CHN1: variants seen among roughly 807,000 people sequenced by gnomAD.
CHN1 encodes the protein chimerin 1.
Under a neutral mutation model 59.5 loss-of-function variants are expected in CHN1, and 37 were observed. The ratio of observed to expected loss-of-function variants is 0.62; its 90% CI spans 0.48 to 0.82. The LOEUF is 0.82. Among genes scored for constraint, CHN1 ranks in the 40% least tolerant of loss-of-function variants. CHN1 has a pLI of 0.00. For missense variants in CHN1, 469 were observed against 571.0 expected (o/e 0.82, Z 1.82); for synonymous variants, 206 against 200.4 (o/e 1.03, Z -0.24).
chr2:174,955,119 A>ATAGATCTAATATAGATCTATATATCTC (rs1690150860), intron 1 of CHN1, among the ~76,000 whole-genome samples: 1 of 148,724 alleles, frequency 6.7e-6, no homozygotes, highest in East Asian at 1.9e-4. Flanking sequence ...CTATAGATCT[A>ATAGATCTAATATAGATCTATATATCTC]TAGATCTAAT....
chr2:174,990,079 T>C (rs1392361146), intron 1 of CHN1, among the ~76,000 whole-genome samples: 1 of 152,146 alleles, frequency 6.6e-6, no homozygotes, highest in South Asian at 2.1e-4. Flanking sequence ...AAGTTTTGAT[T>C]AGAAGAGTGA....
intron 1 of CHN1, among the ~76,000 whole-genome samples, chr2:174,999,561 A>C (rs1691818080): frequency 6.6e-6 from 1 of 152,214 alleles, no homozygotes; most frequent in South Asian, 2.1e-4. Context: ...CTATTATTAT[A>C]ACATATAAAG....
At chr2:174,863,910 T>C (rs1195634911) in intron 6 of CHN1, among the ~76,000 whole-genome samples, 3 of 152,202 alleles carry the variant, frequency 2.0e-5, no homozygotes, top group African/African-American at 7.2e-5. Flanking sequence ...TATTTATCAC[T>C]GCATGTTTCA....
At chr2:174,855,423 T>A (rs1390528258) in intron 6 of CHN1, among the ~76,000 whole-genome samples, 1 of 152,198 alleles carries the variant, frequency 6.6e-6, no homozygotes, top group Non-Finnish European at 1.5e-5. Context: ...TTCTATAAAA[T>A]GTTAAAATTG....
At chr2:174,852,302 C>T (rs1470460018) in intron 6 of CHN1, among the ~76,000 whole-genome samples, 4 of 151,634 alleles carry the variant, frequency 2.6e-5, no homozygotes, top group Non-Finnish European at 5.9e-5. Context: ...CAAACAAAAC[C>T]GGTAACGAAA....
At chr2:174,947,119 GA>G (rs1164566693) in intron 2 of CHN1, among the ~76,000 whole-genome samples, 2 of 152,122 alleles carry the variant, frequency 1.3e-5, no homozygotes, top group East Asian at 3.9e-4. Context: ...AGTTAATACA[GA>G]AAGTAAAATG....
intron 7 of CHN1, among the ~76,000 whole-genome samples, chr2:174,843,700 A>G (rs1686394466): frequency 7.4e-6 from 1 of 135,664 alleles, no homozygotes; most frequent in Admixed American, 7.2e-5. Context: ...ATAGATTCAG[A>G]AAAAAAAAAA....
chr2:174,855,820 T>C lies in CHN1; in HGVS notation c.550-8863A>G, dbSNP rs140437856. Among the ~76,000 whole-genome samples, 401 of 152,180 alleles carry C rather than the reference T, an allele frequency of 2.6e-3. 1 individual carries two copies. The highest frequency in any genetic ancestry group is 9.2e-3 in the African/African-American group (381 of 41,546). On this transcript the variant is annotated intron_variant, in intron 6 of 12. Coordinates refer to ENST00000409900, the MANE Select transcript of CHN1 (RefSeq NM_001822.7). Reference sequence around the variant, plus strand: ...ACTTTAAAGACTTAAAGAAACACTATTATAGATGAAGAAACAAAAGCTCTG... The same window carrying C: ...ACTTTAAAGACTTAAAGAAACACTACTATAGATGAAGAAACAAAAGCTCTG...
At chr2:174,847,738 CCT>C in intron 6 of CHN1, 2 of 771,362 alleles carry the variant, frequency 2.6e-6, no homozygotes, top group South Asian at 1.4e-5. Flanking sequence ...GTTTCTCCCT[CCT>C]CTCATGTAAG....
Position 174,799,699 on chromosome 2 carries a change from T to G in CHN1, c.*417A>C, listed in dbSNP as rs1223078385. The G allele has an allele frequency of 3.9e-5, 21 of 534,438 alleles. No individual in the cohort carries two copies. Among genetic ancestry groups the G allele is most frequent in the Non-Finnish European group, 7.2e-5 (20 of 276,616 alleles). 33.1% of individuals were successfully genotyped at this position (534,438 alleles called of 1,614,324 possible). Reference sequence around the variant, plus strand: ...TTTTATCCATTTGTGTGTGCGTGTTTGTACAAGCATCAGAAACCAATGACA... The same window carrying G: ...TTTTATCCATTTGTGTGTGCGTGTTGGTACAAGCATCAGAAACCAATGACA... On this transcript the variant is annotated 3_prime_UTR_variant, in exon 13 of 13. Transcript: ENST00000409900.
chr2:174,817,380 G>A (rs1004986833), intron 8 of CHN1, among the ~76,000 whole-genome samples: 2 of 151,876 alleles, frequency 1.3e-5, no homozygotes, highest in Non-Finnish European at 2.9e-5. Flanking sequence ...AAGTAAAATT[G>A]TGATGCATGC....
chr2:174,841,316 T>C (rs898348837), intron 7 of CHN1, among the ~76,000 whole-genome samples: 1 of 152,160 alleles, frequency 6.6e-6, no homozygotes, highest in Non-Finnish European at 1.5e-5. Flanking sequence ...TGAGGGGCAG[T>C]GCACAGGTTC....
At chr2:174,967,995 C>G (rs1240631598) in intron 1 of CHN1, among the ~76,000 whole-genome samples, 2 of 152,052 alleles carry the variant, frequency 1.3e-5, no homozygotes, top group African/African-American at 4.8e-5. Flanking sequence ...TGCGGATTCA[C>G]AGGATTTTCC....
At chr2:174,825,436 C>T (rs1685653121) in intron 7 of CHN1, among the ~76,000 whole-genome samples, 2 of 152,120 alleles carry the variant, frequency 1.3e-5, no homozygotes, top group African/African-American at 4.8e-5. Context: ...ACTAACCATT[C>T]CAGCTCATAA....
intron 8 of CHN1, among the ~76,000 whole-genome samples, chr2:174,816,419 C>T (rs918531235): frequency 3.9e-5 from 6 of 152,182 alleles, no homozygotes; most frequent in Non-Finnish European, 7.3e-5. Context: ...GAAGGTGTAG[C>T]AGAAGGGTCT....
intron 1 of CHN1, among the ~76,000 whole-genome samples, chr2:174,981,299 G>C (rs1207006915): frequency 6.6e-6 from 1 of 152,068 alleles, no homozygotes; most frequent in East Asian, 1.9e-4. Context: ...CATGGGTGTG[G>C]GCTATAAGCA....
At chr2:174,819,660 AT>A (rs907230291) in intron 8 of CHN1, among the ~76,000 whole-genome samples, 2 of 151,676 alleles carry the variant, frequency 1.3e-5, no homozygotes, top group African/African-American at 4.9e-5. Flanking sequence ...TTTGAACTTG[AT>A]TTTTTTATTA....
rs768705248 is a variant in CHN1, at chr2:174,800,242, A to T, written c.1254T>A (p.Leu418=). ...EKENLMNAEN[L]GIVFGPTLMR... Reference sequence around the variant, plus strand: ...TAAGGGTGGGTCCAAAGACGATTCCAAGGTTCTCTGCATTCATAAGATTCT... The same window carrying T: ...TAAGGGTGGGTCCAAAGACGATTCCTAGGTTCTCTGCATTCATAAGATTCT... The change falls in exon 13 of 13, where the codon CTT becomes CTA. Residue 418 remains leucine (L), a synonymous_variant. Coordinates refer to ENST00000409900, the MANE Select transcript of CHN1 (RefSeq NM_001822.7). 1.4e-6 allele frequency: 2 copies of T among 1,473,404 alleles called. No homozygotes were observed. Among genetic ancestry groups the T allele is most frequent in the East Asian group, 2.3e-5 (1 of 43,094 alleles). The allele number at this position is 1,473,404 out of a possible 1,614,324, so 91.3% of individuals were successfully genotyped here.
intron 6 of CHN1, among the ~76,000 whole-genome samples, chr2:174,867,544 TAA>T (rs1303167508): frequency 6.6e-6 from 1 of 152,194 alleles, no homozygotes; most frequent in Non-Finnish European, 1.5e-5. Flanking sequence ...AAATAATATT[TAA>T]GTTTCTTTTT....
Sources: gnomAD v4.1 joint callset for allele counts (sites outside exome capture counted in the v4.1 genomes callset) on GRCh38, gnomAD v4.1.1 for gene constraint, MANE v1.5 for transcripts, NCBI Gene and HGNC (gene_info 2026-07-23, HGNC 2026-07-21) for gene names.